Variants in CPNE4 observed in about 807,000 individuals in gnomAD.
CPNE4 encodes the protein copine 4.
In CPNE4, 25 loss-of-function variants were observed where a neutral mutation model predicts 67.9. That is an observed-to-expected ratio of 0.37 (90% confidence interval 0.27 to 0.51). CPNE4 has a LOEUF of 0.51. CPNE4 is among the 20% of genes least tolerant of loss of function. CPNE4 has a pLI of 0.93. For synonymous variants in CPNE4, 242 were observed against 244.9 expected, an observed-to-expected ratio of 0.99 and a Z score of 0.11; for missense variants, 464 against 690.8, an observed-to-expected ratio of 0.67 and a Z score of 3.68.
At chr3:131,993,071 G>T (rs916877514) in intron 1 of CPNE4, among the ~76,000 whole-genome samples, 13 of 136,044 alleles carry the variant, frequency 9.6e-5, no homozygotes, top group African/African-American at 3.2e-4. Context: ...GGAGGTTGAA[G>T]AGATAATGGA....
At chr3:132,017,948 C>T (rs547568109) in intron 1 of CPNE4, among the ~76,000 whole-genome samples, 11 of 152,230 alleles carry the variant, frequency 7.2e-5, no homozygotes, top group East Asian at 1.9e-4. Flanking sequence ...CTCCCTGAGG[C>T]GCTGCTATCA....
intron 1 of CPNE4, among the ~76,000 whole-genome samples, chr3:131,972,220 G>A (rs1038810732): frequency 6.6e-5 from 10 of 152,242 alleles, no homozygotes; most frequent in Admixed American, 5.2e-4. Context: ...AAAATACTAA[G>A]GGTTACACAT....
intron 1 of CPNE4, among the ~76,000 whole-genome samples, chr3:131,977,283 A>G (rs1402495750): frequency 6.6e-6 from 1 of 152,190 alleles, no homozygotes; most frequent in African/African-American, 2.4e-5. Context: ...AAATTGTTTC[A>G]AAGTGGACCA....
intron 2 of CPNE4, among the ~76,000 whole-genome samples, chr3:131,727,978 C>T (rs1207233528): frequency 4.6e-5 from 7 of 152,170 alleles, no homozygotes; most frequent in Non-Finnish European, 2.9e-5. Context: ...GAATTGTTTA[C>T]AGTTTTTGGC....
chr3:131,595,838 C>G (rs1938809253), intron 7 of CPNE4, among the ~76,000 whole-genome samples: 1 of 152,106 alleles, frequency 6.6e-6, no homozygotes, highest in Admixed American at 6.5e-5. Flanking sequence ...CAAACCATAT[C>G]AGGGGTGAGC....
At chr3:131,726,200 G>T (rs1481599197) in intron 2 of CPNE4, among the ~76,000 whole-genome samples, 4 of 152,174 alleles carry the variant, frequency 2.6e-5, no homozygotes, top group Non-Finnish European at 5.9e-5. Context: ...GCCCCAAAGG[G>T]CACAAATAAG....
chr3:131,715,721 G>A (rs2081667361), intron 3 of CPNE4, among the ~76,000 whole-genome samples: 1 of 152,158 alleles, frequency 6.6e-6, no homozygotes, highest in African/African-American at 2.4e-5. Context: ...CACTGTCTTT[G>A]GTGGATGAAG....
intron 1 of CPNE4, among the ~76,000 whole-genome samples, chr3:131,915,830 T>G (rs116705096): frequency 6.6e-6 from 1 of 152,324 alleles, no homozygotes; most frequent in African/African-American, 2.4e-5. Context: ...TTCTTAGGAA[T>G]TCTGGCCTTA....
At chr3:131,836,316 T>C (rs1447759501) in intron 2 of CPNE4, among the ~76,000 whole-genome samples, 1 of 152,158 alleles carries the variant, frequency 6.6e-6, no homozygotes, top group African/African-American at 2.4e-5. Flanking sequence ...CAAAAATTAG[T>C]TAATGCAATC....
intron 6 of CPNE4, among the ~76,000 whole-genome samples, chr3:131,671,109 TTATC>T (rs1375693998): frequency 6.6e-6 from 1 of 152,212 alleles, no homozygotes; most frequent in Non-Finnish European, 1.5e-5. Context: ...TTTTAATTAA[TTATC>T]TATCCAAATA....
At chr3:131,926,846 G>T (rs2070909171) in intron 1 of CPNE4, among the ~76,000 whole-genome samples, 1 of 152,134 alleles carries the variant, frequency 6.6e-6, no homozygotes, top group Non-Finnish European at 1.5e-5. Flanking sequence ...ATGGGTTGTA[G>T]TTTTAAAGCA....
chr3:131,942,223 C>T (rs1461281957), intron 1 of CPNE4, among the ~76,000 whole-genome samples: 1 of 151,940 alleles, frequency 6.6e-6, no homozygotes, highest in East Asian at 1.9e-4. Flanking sequence ...TTATAAGGCA[C>T]TTATTGCTTT....
rs193147332 is a variant in CPNE4 at position 131,857,834 on chromosome 3, A to G, written c.180+47430T>C. Among the ~76,000 whole-genome samples the G allele has an allele frequency of 2.5e-4, 38 of 152,134 alleles. No individual in the cohort carries two copies. The East Asian group carries it at 7.4e-3, about 29-fold the overall frequency. On this transcript the variant is annotated intron_variant, in intron 2 of 15. Transcript: ENST00000429747. ...TGTAGAATCCACTGAAAAATCCAAT[A>G]CAATCCTCATTTCTCCTAACAACAT...
intron 2 of CPNE4, among the ~76,000 whole-genome samples, chr3:131,769,483 A>C (rs2083109559): frequency 6.6e-6 from 1 of 152,160 alleles, no homozygotes; most frequent in Admixed American, 6.6e-5. Flanking sequence ...TTTTCTTATA[A>C]GTTAGAAAGG....
chr3:131,943,308 G>A (rs2071454238), intron 1 of CPNE4, among the ~76,000 whole-genome samples: 1 of 152,092 alleles, frequency 6.6e-6, no homozygotes, highest in Non-Finnish European at 1.5e-5. Flanking sequence ...AAGCTTTACT[G>A]CAAATGGGTT....
At chr3:131,734,750 G>A (rs1205818626) in intron 2 of CPNE4, among the ~76,000 whole-genome samples, 5 of 151,972 alleles carry the variant, frequency 3.3e-5, no homozygotes, top group Non-Finnish European at 5.9e-5. Flanking sequence ...AATTAGCCAG[G>A]CATAGTGGCA....
intron 5 of CPNE4, among the ~76,000 whole-genome samples, chr3:131,689,481 G>A (rs1342030061): frequency 6.6e-6 from 1 of 152,062 alleles, no homozygotes; most frequent in Admixed American, 6.6e-5. Flanking sequence ...TAGGAAAAAA[G>A]GTTTTGATAA....
At chr3:131,905,171 A>G in intron 2 of CPNE4, 93 bp downstream of exon 2, 1 of 1,120,610 alleles carries the variant, frequency 8.9e-7, no homozygotes, top group South Asian at 1.6e-5. Context: ...TTCTTATTTC[A>G]TCAAAATAAA....
At chr3:131,982,149 T>C (rs565542824) in intron 1 of CPNE4, among the ~76,000 whole-genome samples, 1 of 152,324 alleles carries the variant, frequency 6.6e-6, no homozygotes, top group South Asian at 2.1e-4. Flanking sequence ...GTATGATCAC[T>C]GAAAGCTCTG....
Sources: allele counts gnomAD v4.1 joint callset (sites outside exome capture counted in the v4.1 genomes callset), GRCh38; gene constraint gnomAD v4.1.1; transcripts MANE v1.5; gene names NCBI Gene and HGNC (gene_info 2026-07-23, HGNC 2026-07-21).